The following OPRM1 variants were observed in gnomAD, a reference collection of about 807,000 sequenced individuals.
OPRM1 encodes mu-type opioid receptor.
OPRM1 carries 27 observed loss-of-function variants against 31.8 expected under a neutral mutation model. The observed-to-expected ratio is 0.85, with a 90% CI of 0.63 to 1.17. The LOEUF (loss-of-function observed/expected upper bound fraction) is 1.17, where lower values mean the gene tolerates loss of function less well. OPRM1 is among the 50% of genes most tolerant of loss of function. OPRM1 has a pLI of 0.00. For synonymous variants in OPRM1, 196 were observed against 189.9 expected, an observed-to-expected ratio of 1.03 and a Z score of -0.26; for missense variants, 536 against 511.1, an observed-to-expected ratio of 1.05 and a Z score of -0.47.
chr6:154,153,615 G>A (rs550001611), intron 3 of OPRM1, among the ~76,000 whole-genome samples: 168 of 151,958 alleles, frequency 1.1e-3, no homozygotes, highest in Non-Finnish European at 1.8e-3. Context: ...AACCCGGGAG[G>A]CGGAGGTTGC....
chr6:154,027,840 T>C (rs1388391896), intron 1 of OPRM1, among the ~76,000 whole-genome samples: 2 of 152,184 alleles, frequency 1.3e-5, no homozygotes, highest in East Asian at 3.9e-4. Context: ...CAGCTTGTCA[T>C]GAGTGCTACC....
At chr6:154,232,699 C>T (rs529486612) in intron 3 of OPRM1, among the ~76,000 whole-genome samples, 1 of 152,058 alleles carries the variant, frequency 6.6e-6, no homozygotes, top group African/African-American at 2.4e-5. Context: ...ATTAATGTCT[C>T]GATGTAAGCC....
At chr6:154,189,234 C>T (rs974163514) in intron 3 of OPRM1, among the ~76,000 whole-genome samples, 1 of 152,162 alleles carries the variant, frequency 6.6e-6, no homozygotes, top group Non-Finnish European at 1.5e-5. Flanking sequence ...AATTCAGAAA[C>T]TCAACTTTAC....
intron 3 of OPRM1, among the ~76,000 whole-genome samples, chr6:154,146,286 G>A (rs962396341): frequency 6.6e-6 from 1 of 152,210 alleles, no homozygotes; most frequent in African/African-American, 2.4e-5. Context: ...TGTGATCTCA[G>A]CTACTCAGGA....
Position 154,231,594 on chromosome 6 carries a change from GA to G in OPRM1, c.1165-15094del, listed in dbSNP as rs1474154280. Among the ~76,000 whole-genome samples, 6 of 152,334 alleles carry G rather than the reference GA, an allele frequency of 3.9e-5. No homozygotes were observed. The South Asian group carries it at 1.2e-3, about 32-fold the overall frequency. ...GAGCAATCTCTAGGACATAGTGAGA[GA>G]AAAAGTAAGGTGCAGTACTATATAT... On this transcript the variant is annotated intron_variant, in intron 3 of 3. Coordinates refer to the OPRM1 transcript ENST00000337049.
At position 154,107,953 on chromosome 6, in the gene OPRM1, TTTTTA is replaced by T. The variant is rs754655370; in HGVS notation, c.1165-10697_1165-10693del. On this transcript the variant is annotated intron_variant, in intron 3 of 3. Transcript: ENST00000330432. ...TTTACAGAGGAGATAAACACTGATT[TTTTTA>T]TTTTATTTTATTTTATTTTATTTTA... 4,228 of 517,790 alleles carry T rather than the reference TTTTTA, an allele frequency of 8.2e-3. 134 individuals are homozygous for T. The highest frequency in any genetic ancestry group is 0.078 in the African/African-American group (3,282 of 42,294). The allele number at this position is 517,790 out of a possible 1,614,324, so 32.1% of individuals were successfully genotyped here.
chr6:154,020,770 T>C (rs1778319547), intron 1 of OPRM1, among the ~76,000 whole-genome samples: 2 of 152,212 alleles, frequency 1.3e-5, no homozygotes. Context: ...TAATTTGCAA[T>C]TCACTAAGGG....
At chr6:154,077,576 CA>C (rs1788136058) in intron 1 of OPRM1, among the ~76,000 whole-genome samples, 1 of 151,498 alleles carries the variant, frequency 6.6e-6, no homozygotes. Flanking sequence ...ACTAAAAATA[CA>C]AAAATTATCC....
chr6:154,223,256 T>C lies in OPRM1; in HGVS notation c.1165-23437T>C, dbSNP rs753814770. ...CAGCTTTCTCTGCCTGAAACAAATA[T>C]ATACCACAAATAGGAATGAATGCAT... On this transcript the variant is annotated intron_variant, in intron 3 of 3. Coordinates refer to the OPRM1 transcript ENST00000337049. 8 of 1,602,834 alleles carry C rather than the reference T, an allele frequency of 5.0e-6. No homozygotes were observed. In the South Asian group the frequency reaches 8.8e-5, roughly 18 times the overall value.
At chr6:154,236,541 T>C (rs575322618) in intron 3 of OPRM1, among the ~76,000 whole-genome samples, 9 of 152,334 alleles carry the variant, frequency 5.9e-5, no homozygotes, top group African/African-American at 9.6e-5. Flanking sequence ...ATGGCTAAGA[T>C]GGTAAACTTC....
At chr6:154,099,919 C>CATATTATATATTATATT (rs1208350850) in intron 3 of OPRM1, among the ~76,000 whole-genome samples, 2 of 140,516 alleles carry the variant, frequency 1.4e-5, no homozygotes, top group East Asian at 2.0e-4. Context: ...TATATCATAA[C>CATATTATATATTATATT]ATGTATTATC....
At chr6:154,240,020 A>C (rs916574406) in intron 3 of OPRM1, among the ~76,000 whole-genome samples, 3 of 152,212 alleles carry the variant, frequency 2.0e-5, no homozygotes, top group Non-Finnish European at 2.9e-5. Context: ...ACATTTCAAA[A>C]CATTGGAATT....
intron 1 of OPRM1, among the ~76,000 whole-genome samples, chr6:154,057,326 G>A (rs1253804392): frequency 1.3e-5 from 2 of 152,278 alleles, no homozygotes; most frequent in Admixed American, 6.5e-5. Flanking sequence ...TTTCCCAAAG[G>A]TACAGTCCAG....
chr6:154,074,736 G>A (rs909004401), intron 1 of OPRM1, among the ~76,000 whole-genome samples: 3 of 151,754 alleles, frequency 2.0e-5, no homozygotes, highest in African/African-American at 4.8e-5. Context: ...ACTCCAGCCC[G>A]GAGGACAGAG....
rs1797612491 is a variant in OPRM1, at chr6:154,126,857, A to G, written c.*8136A>G. ...CTGGGCGCGGTGGCTCACGCCTGTA[A>G]TTCCAGCACTTTGGGAGGCCGAGGC... On this transcript the variant is annotated 3_prime_UTR_variant, in exon 4 of 4. Coordinates refer to ENST00000330432, the MANE Select transcript of OPRM1 (RefSeq NM_000914.5). Among the ~76,000 whole-genome samples, 1 of 152,152 alleles carries G rather than the reference A, an allele frequency of 6.6e-6. No individual in the cohort carries two copies. Among genetic ancestry groups the G allele is most frequent in the Non-Finnish European group, 1.5e-5 (1 of 68,030 alleles).
At chr6:154,103,622 C>G (rs918580560) in intron 3 of OPRM1, among the ~76,000 whole-genome samples, 1 of 152,130 alleles carries the variant, frequency 6.6e-6, no homozygotes, top group Admixed American at 6.5e-5. Context: ...ATAGCTACTC[C>G]ATAGAGCAGC....
chr6:154,012,154 A>C (rs1205363552), intron 1 of OPRM1, among the ~76,000 whole-genome samples: 2 of 152,214 alleles, frequency 1.3e-5, no homozygotes, highest in East Asian at 3.8e-4. Context: ...AAATAATAGA[A>C]GTGTAACAAG....
intron 3 of OPRM1, among the ~76,000 whole-genome samples, chr6:154,138,848 TA>T (rs1481062647): frequency 1.3e-5 from 2 of 152,224 alleles, no homozygotes; most frequent in African/African-American, 2.4e-5. Flanking sequence ...TGACCCTCCC[TA>T]AACTGCTCCT....
chr6:154,037,867 A>G, upstream of OPRM1, among the ~76,000 whole-genome samples: 1 of 152,148 alleles, frequency 6.6e-6, no homozygotes, highest in Non-Finnish European at 1.5e-5. Flanking sequence ...GTCAGGAATT[A>G]TTATACTGTG....
Sources: allele counts gnomAD v4.1 joint callset (sites outside exome capture counted in the v4.1 genomes callset), GRCh38; gene constraint gnomAD v4.1.1; transcripts MANE v1.5; gene names NCBI Gene and HGNC (gene_info 2026-07-23, HGNC 2026-07-21).